The following SLC25A26 variants were observed in gnomAD, a reference collection of about 807,000 sequenced individuals.
The protein encoded by SLC25A26 is mitochondrial S-adenosylmethionine carrier protein.
In SLC25A26, 36 loss-of-function variants were observed where a neutral mutation model predicts 37.8. The ratio of observed to expected loss-of-function variants is 0.95; its 90% CI spans 0.73 to 1.26. SLC25A26 has a LOEUF of 1.26. Among genes scored for constraint, SLC25A26 ranks in the 50% most tolerant of loss-of-function variants. SLC25A26 has a pLI of 0.00. For synonymous variants in SLC25A26, 129 were observed against 122.5 expected (o/e 1.05, Z -0.35); for missense variants, 390 against 331.1 (o/e 1.18, Z -1.38).
intron 5 of SLC25A26, among the ~76,000 whole-genome samples, chr3:66,290,716 C>T (rs1374723308): frequency 2.6e-5 from 4 of 152,062 alleles, no homozygotes; most frequent in Admixed American, 6.6e-5. Flanking sequence ...TTCGGTTTGC[C>T]AGTATATTAT....
At chr3:66,322,407 C>T (rs1399722121) in intron 5 of SLC25A26, among the ~76,000 whole-genome samples, 2 of 152,202 alleles carry the variant, frequency 1.3e-5, no homozygotes, top group Non-Finnish European at 2.9e-5. Flanking sequence ...AAAATTCGAT[C>T]AGTGGTTGCT....
chr3:66,272,998 A>T (rs1272920809), intron 5 of SLC25A26, among the ~76,000 whole-genome samples: 2 of 152,266 alleles, frequency 1.3e-5, no homozygotes, highest in Non-Finnish European at 2.9e-5. Flanking sequence ...AGTTTTTAGC[A>T]TGAAGGGTTT....
chr3:66,285,619 C>T, intron 5 of SLC25A26, among the ~76,000 whole-genome samples: 1 of 133,366 alleles, frequency 7.5e-6, no homozygotes, highest in Non-Finnish European at 1.6e-5. Context: ...ACCAGCACTC[C>T]TGGCTAATTT....
At chr3:66,258,597 T>C (rs13077334) in intron 3 of SLC25A26, among the ~76,000 whole-genome samples, 25,037 of 152,200 alleles carry the variant, frequency 0.16, 2,510 homozygotes, top group Non-Finnish European at 0.23. Context: ...TATTTTCTAA[T>C]AGCCACATTA....
At chr3:66,303,717 A>G (rs913094156) in intron 5 of SLC25A26, among the ~76,000 whole-genome samples, 5 of 152,190 alleles carry the variant, frequency 3.3e-5, no homozygotes, top group Non-Finnish European at 7.3e-5. Flanking sequence ...AAGGTGACAT[A>G]TATTGATGAT....
Position 66,208,858 on chromosome 3 carries a change from A to T in SLC25A26, c.-353-11884A>T, listed in dbSNP as rs1234293399. On this transcript the variant is annotated intron_variant, in intron 1 of 10. Transcript: ENST00000676754. The stretch of plus-strand genomic sequence containing the variant: ...GGTGTACATATATATATATACCTTT[A>T]TATGGGTGTGTGTATATATATATAT... Among the ~76,000 whole-genome samples, 77 of 54,726 alleles carry T rather than the reference A, an allele frequency of 1.4e-3. 3 individuals are homozygous for T. The Admixed American group carries it at 0.02, about 14-fold the overall frequency. 35.9% of individuals were successfully genotyped at this position (54,726 alleles called of 152,430 possible). A position where few individuals can be genotyped will look rare whatever the true frequency, so the allele number is the denominator to read the frequency against.
At chr3:66,159,267 T>G (rs1240133339) in intron 1 of SLC25A26, among the ~76,000 whole-genome samples, 1 of 152,210 alleles carries the variant, frequency 6.6e-6, no homozygotes, top group Non-Finnish European at 1.5e-5. Flanking sequence ...TATTTGTTCC[T>G]TCTAGGGAAT....
chr3:66,278,630 G>C (rs964772593), intron 5 of SLC25A26, among the ~76,000 whole-genome samples: 2 of 152,050 alleles, frequency 1.3e-5, no homozygotes, highest in African/African-American at 4.8e-5. Flanking sequence ...TAGCATTCCA[G>C]TTATATAAAT....
At chr3:66,364,346 G>A (rs1200725122) in intron 7 of SLC25A26, among the ~76,000 whole-genome samples, 1 of 152,162 alleles carries the variant, frequency 6.6e-6, no homozygotes, top group Non-Finnish European at 1.5e-5. Context: ...TATCTATGTG[G>A]TAGGATCCTA....
At chr3:66,280,704 T>C (rs1352937038) in intron 5 of SLC25A26, among the ~76,000 whole-genome samples, 10 of 152,132 alleles carry the variant, frequency 6.6e-5, no homozygotes, top group Admixed American at 6.5e-4. Context: ...TTTGAAAAAT[T>C]ACAATTTATA....
At position 66,297,501 on chromosome 3, in the gene SLC25A26, A is replaced by G. The variant is rs79499141; in HGVS notation, c.453+34122A>G. 3.0e-3 allele frequency among the ~76,000 whole-genome samples: 463 copies of G among 152,228 alleles called. 3 individuals are homozygous for G. Among genetic ancestry groups the G allele is most frequent in the East Asian group, 0.017 (88 of 5,176 alleles). ...TTACTATAACAGTAGCTTCCTTAGT[A>G]CATCAGACATCAGGACACTGAAGGT... On this transcript the variant is annotated intron_variant, in intron 5 of 9. Transcript: ENST00000354883.
rs555515589 is a variant in SLC25A26, at chr3:66,305,132, C to T, written c.454-41232C>T. ...CATTCCCCTCAAATAATAATGTACA[C>T]GCTCATTATAGTTTGTTAGTTTCTC... is the stretch of plus-strand genomic sequence containing the variant. On this transcript the variant is annotated intron_variant, in intron 5 of 9. Transcript: ENST00000354883. 3.4e-3 allele frequency among the ~76,000 whole-genome samples: 514 copies of T among 152,252 alleles called. 3 individuals carry two copies. Among genetic ancestry groups the T allele is most frequent in the South Asian group, 0.02 (99 of 4,830 alleles).
chr3:66,257,363 A>G (rs2073344369), intron 3 of SLC25A26, among the ~76,000 whole-genome samples: 1 of 152,190 alleles, frequency 6.6e-6, no homozygotes, highest in Admixed American at 6.5e-5. Context: ...TGAATTAAAA[A>G]AAAAGAAAAG....
chr3:66,221,043 G>C lies in SLC25A26; in HGVS notation c.-52G>C. ...GGCGGCGCCCAGCGCGCGAGGACGT[G>C]ATCCGCTTCTGCTCCGGCTTGGATT... is the stretch of plus-strand genomic sequence containing the variant. On this transcript the variant is annotated 5_prime_UTR_variant, in exon 1 of 10. Transcript: ENST00000354883. The C allele has an allele frequency of 2.0e-6, 3 of 1,533,398 alleles. No individual in the cohort carries two copies. The highest frequency in any genetic ancestry group is 2.6e-6 in the Non-Finnish European group (3 of 1,144,010). 95.0% of individuals were successfully genotyped at this position (1,533,398 alleles called of 1,614,324 possible).
At chr3:66,375,397 G>A (rs1207592277) in intron 9 of SLC25A26, among the ~76,000 whole-genome samples, 6 of 152,184 alleles carry the variant, frequency 3.9e-5, no homozygotes, top group African/African-American at 1.4e-4. Flanking sequence ...AACAGCCTTC[G>A]ATTAGAAGAA....
chr3:66,377,768 G>A lies in SLC25A26; in HGVS notation c.786G>A (p.Thr262=), dbSNP rs147162139. Residue 262 remains threonine, a synonymous_variant, in exon 10 of 10, where the codon ACG becomes ACA. Transcript: ENST00000354883. ...TCTTTCTGGGGGCTTATGACCGAAC[G>A]CACAGCTTGCTGTTGGAAGTTGGCA... The part of the protein sequence containing the change: ...GFIFLGAYDR[T]HSLLLEVGRK... The A allele has an allele frequency of 9.5e-5, 153 of 1,613,860 alleles. 2 individuals carry two copies. In the Admixed American group the frequency reaches 1.6e-3, roughly 17 times the overall value.
chr3:66,264,098 G>A (rs566125605), intron 5 of SLC25A26, among the ~76,000 whole-genome samples: 2 of 152,184 alleles, frequency 1.3e-5, no homozygotes, highest in South Asian at 2.1e-4. Flanking sequence ...CCAACATGAC[G>A]AAACCTCGTC....
chr3:66,154,540 CTT>C (rs60639995), intron 1 of SLC25A26, among the ~76,000 whole-genome samples: 10,403 of 130,180 alleles, frequency 0.08, 295 homozygotes, highest in Middle Eastern at 0.097. Flanking sequence ...TTCTTTTTTT[CTT>C]TTTTTTTTTT....
At chr3:66,240,304 C>T (rs2072511992) in intron 2 of SLC25A26, among the ~76,000 whole-genome samples, 1 of 151,990 alleles carries the variant, frequency 6.6e-6, no homozygotes, top group Admixed American at 6.6e-5. Context: ...ATTTTTTTCC[C>T]CCTGAGACCA....
Sources: allele counts gnomAD v4.1 joint callset (sites outside exome capture counted in the v4.1 genomes callset), GRCh38; gene constraint gnomAD v4.1.1; transcripts MANE v1.5; gene names NCBI Gene and HGNC (gene_info 2026-07-23, HGNC 2026-07-21).